The following ELF1 variants were observed in gnomAD, a reference collection of about 807,000 sequenced individuals.
ELF1 encodes the protein E74 like ETS transcription factor 1, also known as ETS-related transcription factor Elf-1.
In ELF1, 24 loss-of-function variants were observed where a neutral mutation model predicts 59.9. The observed-to-expected ratio is 0.40, with a 90% CI of 0.29 to 0.56. ELF1 has a LOEUF of 0.56. ELF1 is among the 20% of genes least tolerant of loss of function. The pLI is 0.44. For synonymous variants in ELF1, 248 were observed against 266.2 expected, an observed-to-expected ratio of 0.93 and a Z score of 0.67; for missense variants, 627 against 742.2, an observed-to-expected ratio of 0.84 and a Z score of 1.80.
At chr13:41,042,702 C>CT (rs1876670100) in intron 1 of ELF1, among the ~76,000 whole-genome samples, 1 of 152,188 alleles carries the variant, frequency 6.6e-6, no homozygotes, top group Non-Finnish European at 1.5e-5. Flanking sequence ...TTAATCCAGT[C>CT]TATCATTGAT....
intron 3 of ELF1, among the ~76,000 whole-genome samples, chr13:40,953,115 T>C (rs1437992569): frequency 6.6e-6 from 1 of 152,018 alleles, no homozygotes; most frequent in African/African-American, 2.4e-5. Flanking sequence ...TAGCTGGGAA[T>C]ACAGGCATGT....
chr13:40,993,393 T>A, intron 1 of ELF1: 2 of 839,752 alleles, frequency 2.4e-6, no homozygotes, highest in African/African-American at 1.7e-5. Context: ...CCGATGGGTC[T>A]GGGGGGAGCG....
intron 1 of ELF1, among the ~76,000 whole-genome samples, chr13:41,032,338 C>A (rs1401170650): frequency 1.3e-5 from 2 of 151,664 alleles, no homozygotes; most frequent in African/African-American, 4.8e-5. Flanking sequence ...CTGCCTCAGC[C>A]TCCTGAGTAG....
At chr13:41,033,720 A>G (rs1421853455) in intron 1 of ELF1, among the ~76,000 whole-genome samples, 2 of 152,232 alleles carry the variant, frequency 1.3e-5, no homozygotes, top group Non-Finnish European at 2.9e-5. Context: ...GAGGTGGAAC[A>G]GTTTCATCCT....
chr13:40,986,439 A>G (rs1873552136), intron 1 of ELF1, among the ~76,000 whole-genome samples: 2 of 152,226 alleles, frequency 1.3e-5, no homozygotes, highest in Non-Finnish European at 2.9e-5. Context: ...CTGTAAGTAT[A>G]TGCAAGAAAT....
At chr13:40,957,209 G>T (rs1871503871) in intron 3 of ELF1, among the ~76,000 whole-genome samples, 1 of 128,822 alleles carries the variant, frequency 7.8e-6, no homozygotes, top group Non-Finnish European at 1.7e-5. Context: ...ACTGCCAGCT[G>T]CAAGGCAGAG....
chr13:41,056,567 C>T (rs1036341195), intron 1 of ELF1, among the ~76,000 whole-genome samples: 9 of 152,206 alleles, frequency 5.9e-5, no homozygotes, highest in African/African-American at 2.2e-4. Flanking sequence ...TCCAAAGCAA[C>T]TGCACCATTA....
rs745442064 is a variant in ELF1 at position 41,035,250 on chromosome 13, C to G, written c.-229+25588G>C. ...ATACTCTTCCTACTCTGCTAGAATA[C>G]CTGGTAAAGAACATTACATTCCGTA... On this transcript the variant is annotated intron_variant, in intron 1 of 1. Transcript: ENST00000405737. 6.9e-4 allele frequency among the ~76,000 whole-genome samples: 105 copies of G among 152,342 alleles called. 1 individual carries two copies. Among genetic ancestry groups the G allele is most frequent in the Non-Finnish European group, 1.2e-3 (83 of 68,034 alleles).
intron 3 of ELF1, among the ~76,000 whole-genome samples, chr13:40,956,336 G>A (rs1462707034): frequency 6.6e-6 from 1 of 152,004 alleles, no homozygotes; most frequent in African/African-American, 2.4e-5. Flanking sequence ...ATTAAGGGTG[G>A]TGCAAGATGG....
intron 3 of ELF1, among the ~76,000 whole-genome samples, chr13:40,953,957 G>C (rs147501715): frequency 2.6e-5 from 4 of 152,294 alleles, no homozygotes; most frequent in African/African-American, 7.2e-5. Flanking sequence ...CTTCCGGAAA[G>C]ACATTGGTCC....
intron 1 of ELF1, among the ~76,000 whole-genome samples, chr13:41,060,138 G>A (rs1166530835): frequency 2.6e-5 from 4 of 152,162 alleles, no homozygotes; most frequent in African/African-American, 4.8e-5. Flanking sequence ...GTGGAGACGC[G>A]AGCGCACACG....
At chr13:40,954,490 G>A (rs12431129) in intron 3 of ELF1, among the ~76,000 whole-genome samples, 79,534 of 148,352 alleles carry the variant, frequency 0.54, 24,331 homozygotes, top group Non-Finnish European at 0.68. Flanking sequence ...GTCTCCCCCT[G>A]ATGCCGAGCC....
At chr13:40,981,148 G>T (rs1250054156) in intron 2 of ELF1, among the ~76,000 whole-genome samples, 3 of 152,066 alleles carry the variant, frequency 2.0e-5, no homozygotes, top group Admixed American at 2.0e-4. Context: ...TGAGCATTAG[G>T]CTTATTTCAG....
At chr13:40,995,943 G>C (rs552286161) in intron 1 of ELF1, among the ~76,000 whole-genome samples, 1 of 152,236 alleles carries the variant, frequency 6.6e-6, no homozygotes, top group East Asian at 1.9e-4. Context: ...ACAGATTAAA[G>C]GACTGTTATC....
At chr13:41,049,425 A>G (rs1876993771) in intron 1 of ELF1, among the ~76,000 whole-genome samples, 1 of 152,192 alleles carries the variant, frequency 6.6e-6, no homozygotes, top group South Asian at 2.1e-4. Context: ...CTCCTATGCC[A>G]TTCCACCTCC....
rs146846076 is a variant in ELF1 at position 40,933,874 on chromosome 13, T to A, written c.1411A>T (p.Ile471Phe). ...ACTGTCATGGGCTGTGATGATGGAA[T>A]GGCTTGTAAAATAAACTTCTGAGAT... is the stretch of plus-strand genomic sequence containing the variant. ...TGSQKFILQAIPSSQPMTVLK... is the reference protein window; with the variant it reads ...TGSQKFILQAFPSSQPMTVLK... Residue 471 changes from isoleucine to phenylalanine, a missense_variant, in exon 9 of 9, where the codon ATT (isoleucine) becomes TTT (phenylalanine). Transcript: ENST00000239882. The A allele has an allele frequency of 1.7e-4, 271 of 1,614,120 alleles. No individual in the cohort carries two copies. Among genetic ancestry groups the A allele is most frequent in the Non-Finnish European group, 2.2e-4 (263 of 1,180,048 alleles).
chr13:41,018,264 C>T (rs1438988824), intron 1 of ELF1, among the ~76,000 whole-genome samples: 2 of 152,160 alleles, frequency 1.3e-5, no homozygotes, highest in East Asian at 1.9e-4. Context: ...AACTTTAAGG[C>T]ACAGTAGGAT....
At chr13:41,024,425 G>T (rs1875807859) in intron 1 of ELF1, among the ~76,000 whole-genome samples, 1 of 152,170 alleles carries the variant, frequency 6.6e-6, no homozygotes, top group African/African-American at 2.4e-5. Context: ...TGCCTCCCAG[G>T]CGATCCTCCC....
chr13:40,981,216 C>G (rs9315797), intron 2 of ELF1, among the ~76,000 whole-genome samples: 4 of 151,902 alleles, frequency 2.6e-5, no homozygotes, highest in African/African-American at 9.7e-5. Context: ...CTGTCTGAGT[C>G]TCTCCAACAC....
Sources: allele counts gnomAD v4.1 joint callset (sites outside exome capture counted in the v4.1 genomes callset), GRCh38; gene constraint gnomAD v4.1.1; transcripts MANE v1.5; gene names NCBI Gene and HGNC (gene_info 2026-07-23, HGNC 2026-07-21).